LRRC49: variants seen among roughly 807,000 people sequenced by gnomAD.
LRRC49 encodes leucine-rich repeat-containing protein 49.
In LRRC49, 50 loss-of-function variants were observed where a neutral mutation model predicts 83.3. The ratio of observed to expected loss-of-function variants is 0.60; its 90% CI spans 0.48 to 0.76. LRRC49 has a LOEUF of 0.76. Ranked by LOEUF, LRRC49 falls within the 30% of genes least tolerant of loss-of-function variation. The pLI is 0.00. For missense variants in LRRC49, 704 were observed against 809.1 expected, an observed-to-expected ratio of 0.87 and a Z score of 1.58; for synonymous variants, 286 against 283.3, an observed-to-expected ratio of 1.01 and a Z score of -0.10.
chr15:70,906,013 G>T (rs2034291675), intron 5 of LRRC49, among the ~76,000 whole-genome samples: 1 of 152,016 alleles, frequency 6.6e-6, no homozygotes, highest in Non-Finnish European at 1.5e-5. Flanking sequence ...TTAAGGTAGG[G>T]TAGGTAGATC....
chr15:70,997,114 G>C (rs1334320033), intron 11 of LRRC49, among the ~76,000 whole-genome samples: 1 of 152,086 alleles, frequency 6.6e-6, no homozygotes, highest in African/African-American at 2.4e-5. Flanking sequence ...CTGTCTGGTT[G>C]TTCTATCCAT....
At chr15:70,914,440 G>A (rs1429983449) in intron 6 of LRRC49, among the ~76,000 whole-genome samples, 1 of 152,162 alleles carries the variant, frequency 6.6e-6, no homozygotes, top group East Asian at 1.9e-4. Context: ...ATGGTGTTCA[G>A]GAAATGGATT....
chr15:70,897,951 G>A (rs1053981244), intron 3 of LRRC49, among the ~76,000 whole-genome samples: 1 of 152,120 alleles, frequency 6.6e-6, no homozygotes, highest in South Asian at 2.1e-4. Context: ...AAGGGAAGAG[G>A]CAATACTTTG....
intron 1 of LRRC49, among the ~76,000 whole-genome samples, chr15:70,857,822 C>T (rs2032689621): frequency 6.6e-6 from 1 of 152,214 alleles, no homozygotes; most frequent in Non-Finnish European, 1.5e-5. Flanking sequence ...TGGAAACACG[C>T]TCACTTTATT....
At chr15:71,022,654 A>G (rs572855016) in intron 14 of LRRC49, among the ~76,000 whole-genome samples, 5 of 152,356 alleles carry the variant, frequency 3.3e-5, no homozygotes, top group African/African-American at 1.2e-4. Context: ...AGGACATTTA[A>G]ATTTGTATGC....
chr15:71,012,753 C>A, intron 13 of LRRC49, 51 bp from the exon 14 acceptor site: 2 of 970,480 alleles, frequency 2.1e-6, no homozygotes, highest in South Asian at 1.4e-5. Flanking sequence ...CAGTTTTATT[C>A]AGCTAAGAGT....
chr15:70,984,798 G>C (rs1240449595), intron 11 of LRRC49, among the ~76,000 whole-genome samples: 2 of 114,570 alleles, frequency 1.7e-5, no homozygotes, highest in Non-Finnish European at 3.3e-5. Context: ...CCCCACAACA[G>C]TCCCCAGAGT....
chr15:70,906,232 G>A (rs2034307477), intron 5 of LRRC49, among the ~76,000 whole-genome samples: 1 of 151,884 alleles, frequency 6.6e-6, no homozygotes, highest in South Asian at 2.1e-4. Context: ...GAGTAGCTGG[G>A]ACTATAGGCA....
intron 7 of LRRC49, among the ~76,000 whole-genome samples, chr15:70,923,974 T>C (rs1409080546): frequency 1.3e-5 from 2 of 151,966 alleles, no homozygotes. Flanking sequence ...TGATGCCATT[T>C]ATCTAATCTA....
intron 1 of LRRC49, among the ~76,000 whole-genome samples, chr15:70,866,050 A>C (rs1189932272): frequency 6.6e-6 from 1 of 152,130 alleles, no homozygotes; most frequent in African/African-American, 2.4e-5. Flanking sequence ...ATGAAGGCAG[A>C]GACATGTATA....
chr15:70,943,576 T>C (rs950799826), intron 8 of LRRC49, among the ~76,000 whole-genome samples: 5 of 152,174 alleles, frequency 3.3e-5, no homozygotes, highest in African/African-American at 7.2e-5. Context: ...CTGCTGGCAT[T>C]TGGGAGAGGC....
At chr15:70,999,509 C>T (rs560820586) in intron 11 of LRRC49, among the ~76,000 whole-genome samples, 25 of 152,116 alleles carry the variant, frequency 1.6e-4, no homozygotes, top group African/African-American at 4.8e-4. Context: ...CAGACTCTAT[C>T]GATTGGTTCT....
upstream of LRRC49, chr15:70,892,475 T>G (rs979674433): frequency 1.3e-6 from 2 of 1,530,092 alleles, no homozygotes; most frequent in Non-Finnish European, 1.7e-6. Context: ...TTCCTCCTCC[T>G]CCTCCCTGCG....
At chr15:70,957,581 T>C (rs1422791355) in intron 8 of LRRC49, among the ~76,000 whole-genome samples, 3 of 152,188 alleles carry the variant, frequency 2.0e-5, no homozygotes, top group African/African-American at 7.2e-5. Context: ...TACTAAAGAT[T>C]GGTCTTAAGT....
intron 2 of LRRC49, among the ~76,000 whole-genome samples, chr15:70,884,111 G>A (rs1022084771): frequency 6.6e-6 from 1 of 152,122 alleles, no homozygotes; most frequent in Admixed American, 6.6e-5. Flanking sequence ...TGGGAGGAGA[G>A]AAAGTAAGTG....
chr15:70,877,684 C>A (rs1011076859), intron 2 of LRRC49, among the ~76,000 whole-genome samples: 2 of 151,974 alleles, frequency 1.3e-5, no homozygotes, highest in African/African-American at 4.8e-5. Context: ...GGTAAAGTAC[C>A]CAGGAGTGAA....
intron 15 of LRRC49, among the ~76,000 whole-genome samples, chr15:71,040,907 G>A (rs1303646545): frequency 6.6e-6 from 1 of 151,826 alleles, no homozygotes; most frequent in Non-Finnish European, 1.5e-5. Context: ...GTTTTGAGAG[G>A]CCCACATGGC....
intron 13 of LRRC49, among the ~76,000 whole-genome samples, 171 bp downstream of exon 13, chr15:71,010,163 C>G (rs2038602885): frequency 6.6e-6 from 1 of 151,348 alleles, no homozygotes; most frequent in Non-Finnish European, 1.5e-5. Flanking sequence ...TTTAAAACTT[C>G]CAAAGAACTA....
intron 10 of LRRC49, 117 bp from the exon 11 acceptor site, chr15:70,983,977 A>T (rs2037497022): frequency 2.8e-6 from 2 of 715,870 alleles, no homozygotes; most frequent in African/African-American, 3.6e-5. Context: ...TCTACTTAAA[A>T]GGAACAGGCT....
Sources: allele counts gnomAD v4.1 joint callset (sites outside exome capture counted in the v4.1 genomes callset), GRCh38; gene constraint gnomAD v4.1.1; transcripts MANE v1.5; gene names NCBI Gene and HGNC (gene_info 2026-07-23, HGNC 2026-07-21).